The following DLC1 variants were observed in gnomAD, a reference collection of about 807,000 sequenced individuals.
The protein encoded by DLC1 is rho GTPase-activating protein 7.
In DLC1, 54 loss-of-function variants were observed where a neutral mutation model predicts 140.3. The observed-to-expected ratio is 0.38, with a 90% confidence interval of 0.31 to 0.48. The LOEUF is 0.48. Ranked by LOEUF, DLC1 falls within the 20% of genes least tolerant of loss-of-function variation. DLC1 has a pLI of 0.96. For missense variants in DLC1, 2,536 were observed against 1,907.0 expected (o/e 1.33, Z -6.14); for synonymous variants, 986 against 728.1 (o/e 1.35, Z -5.70).
chr8:13,351,369 C>T (rs1342987571), intron 4 of DLC1, among the ~76,000 whole-genome samples: 1 of 152,202 alleles, frequency 6.6e-6, no homozygotes, highest in African/African-American at 2.4e-5. Flanking sequence ...ATGGACTTCA[C>T]ACTGGTGATA....
At chr8:13,545,841 T>G (rs1049666806) in intron 1 of DLC1, among the ~76,000 whole-genome samples, 2 of 152,118 alleles carry the variant, frequency 1.3e-5, no homozygotes, top group African/African-American at 4.8e-5. Context: ...AATTAAAGAA[T>G]TTGGAATCCA....
intron 5 of DLC1, among the ~76,000 whole-genome samples, chr8:13,242,093 A>G (rs1829568495): frequency 6.6e-6 from 1 of 152,188 alleles, no homozygotes; most frequent in Non-Finnish European, 1.5e-5. Flanking sequence ...CATGCACTCC[A>G]ATATTACCAT....
intron 5 of DLC1, among the ~76,000 whole-genome samples, chr8:13,275,676 C>T (rs914670285): frequency 2.6e-5 from 4 of 152,180 alleles, no homozygotes; most frequent in African/African-American, 9.7e-5. Context: ...TTGAATTGCA[C>T]CACTGTATTT....
intron 3 of DLC1, among the ~76,000 whole-genome samples, chr8:13,397,342 G>C (rs947514150): frequency 2.0e-5 from 3 of 152,076 alleles, no homozygotes; most frequent in Admixed American, 1.3e-4. Context: ...GCCACTGAAG[G>C]GTCTGGAAAG....
intron 4 of DLC1, among the ~76,000 whole-genome samples, chr8:13,311,865 T>A (rs13249199): frequency 0.31 from 47,485 of 151,978 alleles, 7,953 homozygotes; most frequent in Middle Eastern, 0.4. Flanking sequence ...AAATTTTTTC[T>A]TTTCCTCCTC....
At chr8:13,521,576 C>G (rs1802768719) in intron 1 of DLC1, among the ~76,000 whole-genome samples, 1 of 152,104 alleles carries the variant, frequency 6.6e-6, no homozygotes, top group Non-Finnish European at 1.5e-5. Context: ...GTCCAGATTC[C>G]TACTCCTCAG....
At chr8:13,202,179 C>T (rs574977446) in intron 5 of DLC1, among the ~76,000 whole-genome samples, 6 of 152,098 alleles carry the variant, frequency 3.9e-5, no homozygotes, top group South Asian at 4.2e-4. Context: ...CTCTTGACCT[C>T]GTGATCCACC....
intron 5 of DLC1, among the ~76,000 whole-genome samples, chr8:13,262,011 C>A (rs1243397134): frequency 6.6e-6 from 1 of 152,164 alleles, no homozygotes; most frequent in Non-Finnish European, 1.5e-5. Flanking sequence ...ATCTCACCTT[C>A]TTTCTGAGTC....
chr8:13,147,660 CTTATTA>C (rs1040463304), intron 5 of DLC1, among the ~76,000 whole-genome samples: 3 of 152,022 alleles, frequency 2.0e-5, no homozygotes, highest in Non-Finnish European at 4.4e-5. Flanking sequence ...GTACAGCATA[CTTATTA>C]TTATTATTTT....
In DLC1 at chr8:13,401,467, C is replaced by G; in HGVS notation, c.1173+3G>C. 1.2e-6 allele frequency: 2 copies of G among 1,611,914 alleles called. No individual in the cohort carries two copies. The highest frequency in any genetic ancestry group is 1.7e-6 in the Non-Finnish European group (2 of 1,179,848). Reference sequence around the variant, plus strand: ...GAAAAGAAGTAGAAAGTGGAAAGCTCACAGGAACGTGCCGCCGCAGGTTTG... The same window carrying G: ...GAAAAGAAGTAGAAAGTGGAAAGCTGACAGGAACGTGCCGCCGCAGGTTTG... On this transcript the variant is annotated splice_donor_region_variant and intron_variant, in intron 3 of 17. Coordinates refer to ENST00000276297, the MANE Select transcript of DLC1 (RefSeq NM_182643.3).
At chr8:13,131,401 T>C (rs1822064641) in intron 5 of DLC1, among the ~76,000 whole-genome samples, 1 of 152,202 alleles carries the variant, frequency 6.6e-6, no homozygotes, top group Non-Finnish European at 1.5e-5. Flanking sequence ...AGCTGCAATG[T>C]TTTTTCCAAA....
At chr8:13,553,485 T>TTTTCCA (rs1433739623) in intron 1 of DLC1, among the ~76,000 whole-genome samples, 4 of 151,700 alleles carry the variant, frequency 2.6e-5, no homozygotes, top group African/African-American at 9.7e-5. Flanking sequence ...CTCCAGCTAT[T>TTTTCCA]TTTCCATTTT....
At chr8:13,588,320 A>G (rs1030312895) in intron 1 of DLC1, among the ~76,000 whole-genome samples, 5 of 152,114 alleles carry the variant, frequency 3.3e-5, no homozygotes, top group African/African-American at 1.2e-4. Context: ...GAAGAGAGAG[A>G]ATCCAGGAAA....
At chr8:13,494,909 C>G (rs10089095) in intron 2 of DLC1, among the ~76,000 whole-genome samples, 3,579 of 152,192 alleles carry the variant, frequency 0.024, 157 homozygotes, top group African/African-American at 0.082. Context: ...GGAGATCACA[C>G]CCCTGCACTC....
At chr8:13,471,921 G>T (rs202094796) in intron 2 of DLC1, among the ~76,000 whole-genome samples, 4 of 152,186 alleles carry the variant, frequency 2.6e-5, no homozygotes, top group Non-Finnish European at 5.9e-5. Flanking sequence ...GAGCAGCCAT[G>T]GAGCTCTCCC....
chr8:13,315,256 A>T (rs1832822199), intron 4 of DLC1, among the ~76,000 whole-genome samples: 1 of 152,242 alleles, frequency 6.6e-6, no homozygotes, highest in Non-Finnish European at 1.5e-5. Context: ...CTCCACATAC[A>T]TACATATATA....
intron 5 of DLC1, among the ~76,000 whole-genome samples, chr8:13,272,442 G>GCAAACAAA (rs536605053): frequency 6.6e-6 from 1 of 151,910 alleles, no homozygotes; most frequent in Admixed American, 6.5e-5. Flanking sequence ...CTCTGTCTCA[G>GCAAACAAA]CAAACAAACA....
chr8:13,590,797 T>C (rs779384406), intron 1 of DLC1, among the ~76,000 whole-genome samples: 47 of 152,266 alleles, frequency 3.1e-4, no homozygotes, highest in Non-Finnish European at 5.9e-4. Flanking sequence ...CTCCATGCAA[T>C]TCATAGAATA....
chr8:13,544,207 C>A (rs62492096), intron 1 of DLC1, among the ~76,000 whole-genome samples: 1 of 103,696 alleles, frequency 9.6e-6, no homozygotes, highest in Admixed American at 1.1e-4. Flanking sequence ...AACACACACA[C>A]ACACACACAC....
Sources: allele counts gnomAD v4.1 joint callset (sites outside exome capture counted in the v4.1 genomes callset), GRCh38; gene constraint gnomAD v4.1.1; transcripts MANE v1.5; gene names NCBI Gene and HGNC (gene_info 2026-07-23, HGNC 2026-07-21).